The following AGMO variants were observed in gnomAD, a reference collection of about 807,000 sequenced individuals.
AGMO encodes the protein glyceryl-ether monooxygenase.
In AGMO, 75 loss-of-function variants were observed where a neutral mutation model predicts 60.2. The observed-to-expected ratio is 1.25, with a 90% CI of 1.03 to 1.51. AGMO has a LOEUF of 1.51. Among genes scored for constraint, AGMO ranks in the 40% most tolerant of loss-of-function variants. The probability of loss-of-function intolerance (pLI) is 0.00; values close to 1 mark genes in which losing one functional copy is unlikely to be tolerated. For synonymous variants in AGMO, 261 were observed against 177.1 expected, an observed-to-expected ratio of 1.47 and a Z score of -3.76; for missense variants, 763 against 525.5, an observed-to-expected ratio of 1.45 and a Z score of -4.42.
At chr7:15,456,544 G>C (rs182653791) in intron 3 of AGMO, among the ~76,000 whole-genome samples, 67 of 152,196 alleles carry the variant, frequency 4.4e-4, no homozygotes, top group Non-Finnish European at 7.9e-4. Context: ...CTATCCACAA[G>C]ATCAGGGGAT....
At chr7:15,169,123 G>A in the AGMO span, among the ~76,000 whole-genome samples, 1 of 152,288 alleles carries the variant, frequency 6.6e-6, no homozygotes, top group South Asian at 2.1e-4. Context: ...GAGGACTGCT[G>A]ACCTTCTTCA....
At chr7:15,434,559 A>C (rs1391545985) in intron 3 of AGMO, among the ~76,000 whole-genome samples, 1 of 152,148 alleles carries the variant, frequency 6.6e-6, no homozygotes, top group African/African-American at 2.4e-5. Context: ...ATAACCAGCC[A>C]GTAAGGAACT....
intron 3 of AGMO, among the ~76,000 whole-genome samples, chr7:15,488,399 C>A (rs186862694): frequency 6.6e-6 from 1 of 152,148 alleles, no homozygotes; most frequent in Non-Finnish European, 1.5e-5. Context: ...GAGAAACACA[C>A]TAAAGCACAT....
chr7:15,208,529 C>T (rs1034164716), intron 12 of AGMO, among the ~76,000 whole-genome samples: 11 of 152,088 alleles, frequency 7.2e-5, no homozygotes, highest in African/African-American at 2.2e-4. Context: ...AAAACAAGAG[C>T]AGAAAAATAA....
chr7:15,415,506 G>A (rs1408818994), intron 5 of AGMO, among the ~76,000 whole-genome samples: 1 of 151,848 alleles, frequency 6.6e-6, no homozygotes, highest in Admixed American at 6.6e-5. Flanking sequence ...TGGTGCCACT[G>A]TACTCCAGCC....
At chr7:15,465,194 G>C (rs187591232) in intron 3 of AGMO, among the ~76,000 whole-genome samples, 55 of 151,922 alleles carry the variant, frequency 3.6e-4, no homozygotes, top group African/African-American at 1.3e-3. Flanking sequence ...TACCTATTGC[G>C]AGCCGAACTC....
At chr7:15,389,836 C>T (rs1469676688) in intron 8 of AGMO, among the ~76,000 whole-genome samples, 1 of 152,164 alleles carries the variant, frequency 6.6e-6, no homozygotes, top group Non-Finnish European at 1.5e-5. Flanking sequence ...TTCTGCTGCG[C>T]TGTTAGCAGT....
chr7:15,260,275 C>A (rs866912799), intron 12 of AGMO, among the ~76,000 whole-genome samples: 2 of 148,638 alleles, frequency 1.3e-5, no homozygotes, highest in Middle Eastern at 3.5e-3. Flanking sequence ...ACTCAACTAA[C>A]ACAGAAGGAC....
intron 3 of AGMO, among the ~76,000 whole-genome samples, chr7:15,453,824 T>A (rs1023123239): frequency 6.6e-6 from 1 of 152,038 alleles, no homozygotes; most frequent in African/African-American, 2.4e-5. Flanking sequence ...AGCTCCACTA[T>A]CTAAGTTGCT....
intron 12 of AGMO, among the ~76,000 whole-genome samples, chr7:15,284,174 A>G (rs767331904): frequency 6.6e-6 from 1 of 152,078 alleles, no homozygotes; most frequent in Non-Finnish European, 1.5e-5. Flanking sequence ...TCAGGCAACC[A>G]GAGAAACAAG....
chr7:15,410,668 G>A (rs73286440), intron 5 of AGMO, among the ~76,000 whole-genome samples: 6,115 of 151,864 alleles, frequency 0.04, 392 homozygotes, highest in African/African-American at 0.14. Context: ...AAGTAACAAT[G>A]CTGAAAACAT....
At chr7:15,360,416 T>C (rs1363672031) in intron 12 of AGMO, among the ~76,000 whole-genome samples, 1 of 152,118 alleles carries the variant, frequency 6.6e-6, no homozygotes, top group Non-Finnish European at 1.5e-5. Flanking sequence ...GAAACCTTAG[T>C]GGTAACATGA....
At chr7:15,209,991 A>G (rs555893440) in intron 12 of AGMO, among the ~76,000 whole-genome samples, 2 of 152,156 alleles carry the variant, frequency 1.3e-5, no homozygotes, top group Non-Finnish European at 2.9e-5. Flanking sequence ...AGCCTGTATC[A>G]ACACCTCACA....
chr7:15,433,855 T>G (rs1781325157), intron 3 of AGMO, among the ~76,000 whole-genome samples: 1 of 152,086 alleles, frequency 6.6e-6, no homozygotes, highest in Admixed American at 6.6e-5. Flanking sequence ...TAATTCTGTA[T>G]ATTTTATTAA....
the AGMO span, among the ~76,000 whole-genome samples, chr7:15,136,145 C>T: frequency 6.6e-6 from 1 of 151,858 alleles, no homozygotes; most frequent in Non-Finnish European, 1.5e-5. Context: ...AGGCATGTGC[C>T]ACCACGCCAG....
At chr7:15,560,017 T>A (rs960949242) in intron 2 of AGMO, 124 bp downstream of exon 2, 31 of 923,960 alleles carry the variant, frequency 3.4e-5, no homozygotes, top group Non-Finnish European at 4.1e-5. Context: ...AATAATGACA[T>A]GAACTGAATT....
At chr7:15,280,388 C>T (rs1783928582) in intron 12 of AGMO, among the ~76,000 whole-genome samples, 1 of 152,190 alleles carries the variant, frequency 6.6e-6, no homozygotes, top group South Asian at 2.1e-4. Flanking sequence ...TGCCCTGGAA[C>T]ATGACCCCAG....
At chr7:15,385,004 T>A (rs147274487) in intron 10 of AGMO, among the ~76,000 whole-genome samples, 233 of 152,222 alleles carry the variant, frequency 1.5e-3, no homozygotes, top group Non-Finnish European at 2.0e-3. Flanking sequence ...ATATTCTGAA[T>A]GTTTCAGAAA....
At chr7:15,312,169 A>AG (rs1238215571) in intron 12 of AGMO, among the ~76,000 whole-genome samples, 1 of 152,116 alleles carries the variant, frequency 6.6e-6, no homozygotes, top group African/African-American at 2.4e-5. Flanking sequence ...GAGTTCCAAA[A>AG]GGAAAAAGAA....
Sources: gnomAD v4.1 joint callset for allele counts (sites outside exome capture counted in the v4.1 genomes callset) on GRCh38, gnomAD v4.1.1 for gene constraint, MANE v1.5 for transcripts, NCBI Gene and HGNC (gene_info 2026-07-23, HGNC 2026-07-21) for gene names.